WASHC5: variants seen among roughly 807,000 people sequenced by gnomAD.
WASHC5 encodes WASH complex subunit strumpellin.
WASHC5 carries 101 observed loss-of-function variants against 150.4 expected under a neutral mutation model. The ratio of observed to expected loss-of-function variants is 0.67; its 90% CI spans 0.57 to 0.79. WASHC5 has a LOEUF of 0.79. Ranked by LOEUF, WASHC5 falls within the 30% of genes least tolerant of loss-of-function variation. The pLI is 0.00. For missense variants in WASHC5, 1,195 were observed against 1,396.3 expected, an observed-to-expected ratio of 0.86 and a Z score of 2.30; for synonymous variants, 467 against 491.2, an observed-to-expected ratio of 0.95 and a Z score of 0.65.
chr8:125,076,217 G>C, intron 7 of WASHC5, 131 bp downstream of exon 7: 1 of 817,056 alleles, frequency 1.2e-6, no homozygotes, highest in Non-Finnish European at 2.1e-6. Flanking sequence ...AATACAGTTA[G>C]AGCAAGTTTA....
intron 17 of WASHC5, among the ~76,000 whole-genome samples, chr8:125,054,259 A>C (rs1204700704): frequency 6.6e-6 from 1 of 152,240 alleles, no homozygotes; most frequent in Non-Finnish European, 1.5e-5. Context: ...GACCTATAGC[A>C]ATATAAATAA....
At chr8:125,070,550 G>C (rs1051887189) in intron 9 of WASHC5, among the ~76,000 whole-genome samples, 23 of 152,330 alleles carry the variant, frequency 1.5e-4, no homozygotes, top group African/African-American at 5.5e-4. Context: ...GAAAACCCCA[G>C]TTGGTTTTAT....
intron 7 of WASHC5, 75 bp from the exon 8 acceptor site, chr8:125,075,186 G>C: frequency 1.1e-6 from 1 of 908,110 alleles, no homozygotes; most frequent in Non-Finnish European, 1.9e-6. Flanking sequence ...TAAAGTTATA[G>C]AAGGCAATAC....
rs371921983 is a variant in WASHC5 at position 125,059,635 on chromosome 8, TTC to T, written c.1522-95_1522-94del. 7.5e-4 allele frequency: 633 copies of T among 848,688 alleles called. 3 individuals carry two copies. In the African/African-American group the frequency reaches 0.01, roughly 13 times the overall value. 52.6% of individuals were successfully genotyped at this position (848,688 alleles called of 1,614,324 possible). On this transcript the variant is annotated intron_variant, in intron 12 of 28. Transcript: ENST00000318410. ...AAACACTTCAAATAAAGCACACTACTTCTGACAATTTCTTGATAAAGTTTTTA... is the reference window on the plus strand; with the variant it reads ...AAACACTTCAAATAAAGCACACTACTTGACAATTTCTTGATAAAGTTTTTA...
chr8:125,057,721 CT>C (rs1231667953), intron 14 of WASHC5, 55 bp from the exon 15 acceptor site: 4 of 1,138,790 alleles, frequency 3.5e-6, no homozygotes, highest in Non-Finnish European at 5.3e-6. Flanking sequence ...TCCTAGAAAT[CT>C]TTCTTTCCAG....
Position 125,038,865 on chromosome 8 carries a change from G to A in WASHC5, c.3049C>T (p.Leu1017=), listed in dbSNP as rs1815793570. Residue 1017 remains leucine, a synonymous_variant, in exon 25 of 29, where the codon CTG becomes TTG. Coordinates refer to ENST00000318410, the MANE Select transcript of WASHC5 (RefSeq NM_014846.4). ...GGGTTGTGAATGCCAGCTGCCTCCA[G>A]ATAGGCTGTGATTTCATATAAAAGT... ...NTLLYEITAY[L]EAAGIHNPLN... The A allele has an allele frequency of 6.2e-7, 1 of 1,613,992 alleles. No homozygotes were observed. The highest frequency in any genetic ancestry group is 1.3e-5 in the African/African-American group (1 of 74,930).
At chr8:125,030,707 GC>G (rs1815506217) in intron 27 of WASHC5, among the ~76,000 whole-genome samples, 1 of 149,634 alleles carries the variant, frequency 6.7e-6, no homozygotes, top group Non-Finnish European at 1.5e-5. Context: ...TCCACAGAGG[GC>G]CCAGAATGAA....
Position 125,083,216 on chromosome 8 carries a change from G to C in WASHC5, c.229C>G (p.Leu77Val). Residue 77 changes from leucine (L) to valine (V), a missense_variant, in exon 3 of 29, where the codon CTA becomes GTA. Transcript: ENST00000318410. ...CGAAATTCTTCATCTAAATCCTGTAGCTCTGGCTTAGCATCCAGTTTGCTT... is the reference window on the plus strand; with the variant it reads ...CGAAATTCTTCATCTAAATCCTGTACCTCTGGCTTAGCATCCAGTTTGCTT... ...WESKLDAKPE[L>V]QDLDEEFREN... The C allele has an allele frequency of 6.2e-7, 1 of 1,612,506 alleles. No homozygotes were observed. The highest frequency in any genetic ancestry group is 8.5e-7 in the Non-Finnish European group (1 of 1,178,954).
At position 125,024,659 on chromosome 8, in the gene WASHC5, A is replaced by T; in HGVS notation, c.3438T>A (p.His1146Gln). 2 of 1,610,364 alleles carry T rather than the reference A, an allele frequency of 1.2e-6. No homozygotes were observed. Among genetic ancestry groups the T allele is most frequent in the Non-Finnish European group, 1.7e-6 (2 of 1,176,674 alleles). ...ACTCATCAAAAATGAAATTAGGCACATGTGCTTCAGCAACCTGAAAAATTA... is the reference window on the plus strand; with the variant it reads ...ACTCATCAAAAATGAAATTAGGCACTTGTGCTTCAGCAACCTGAAAAATTA... ...TKLPRRVAEA[H>Q]VPNFIFDEFR... is the part of the protein sequence containing the mutation. The change falls in exon 29 of 29, where the codon CAT becomes CAA. Residue 1146 changes from histidine (H) to glutamine (Q), a missense_variant. This residue lies in a region of WASHC5 where 997 missense variants were observed against 1,168.1 expected (regional missense o/e 0.85). Transcript: ENST00000318410.
chr8:125,029,885 T>C (rs1015758410), intron 27 of WASHC5, among the ~76,000 whole-genome samples: 4 of 152,254 alleles, frequency 2.6e-5, no homozygotes, highest in African/African-American at 4.8e-5. Context: ...TAAGAATGAC[T>C]GTACCTGGAA....
intron 26 of WASHC5, among the ~76,000 whole-genome samples, chr8:125,035,868 G>T (rs982506241): frequency 2.6e-5 from 4 of 152,204 alleles, no homozygotes; most frequent in Non-Finnish European, 5.9e-5. Context: ...AAGAAACAAT[G>T]ATTACATTTG....
chr8:125,042,402 C>G (rs1815917818), intron 23 of WASHC5, among the ~76,000 whole-genome samples: 2 of 152,220 alleles, frequency 1.3e-5, no homozygotes, highest in African/African-American at 4.8e-5. Flanking sequence ...TAGCACAGAA[C>G]ATTTCCATTG....
At chr8:125,025,394 AG>A in intron 28 of WASHC5, among the ~76,000 whole-genome samples, 1 of 152,284 alleles carries the variant, frequency 6.6e-6, no homozygotes, top group East Asian at 1.9e-4. Context: ...AATACATGTG[AG>A]GCTTAAAACC....
Position 125,028,332 on chromosome 8 carries a change from C to T in WASHC5, c.3423+288G>A, listed in dbSNP as rs540469396. Among the ~76,000 whole-genome samples the T allele has an allele frequency of 1.1e-4, 16 of 152,296 alleles. 1 individual carries two copies. Among genetic ancestry groups the T allele is most frequent in the Admixed American group, 1.0e-3 (16 of 15,296 alleles). On this transcript the variant is annotated intron_variant, in intron 28 of 28. Coordinates refer to ENST00000318410, the MANE Select transcript of WASHC5 (RefSeq NM_014846.4). ...TTTCCTCTGGCCACTTAAGGAATCC[C>T]TCCTGGCTTGCCTATTTCACTTAAC...
intron 23 of WASHC5, 26 bp from the exon 24 acceptor site, chr8:125,039,924 G>C: frequency 6.7e-7 from 1 of 1,493,144 alleles, no homozygotes; most frequent in South Asian, 1.1e-5. Context: ...AGAAAGAACA[G>C]GTAGTGCATT....
In WASHC5 at chr8:125,032,853, G is replaced by T. The variant is rs147640019; in HGVS notation, c.3182-459C>A. 32 of 174,644 alleles carry T rather than the reference G, an allele frequency of 1.8e-4. No individual in the cohort carries two copies. In the East Asian group the frequency reaches 4.5e-3, roughly 25 times the overall value. 10.8% of individuals were successfully genotyped at this position (174,644 alleles called of 1,614,324 possible). A position where few individuals can be genotyped will look rare whatever the true frequency, so the allele number is the denominator to read the frequency against. On this transcript the variant is annotated intron_variant, in intron 26 of 28. Transcript: ENST00000318410. The stretch of plus-strand genomic sequence containing the variant: ...AGTAATATATATACATAAAGAATCT[G>T]CAGAAATCAAGAGAGTGGAAGAAGG...
intron 27 of WASHC5, among the ~76,000 whole-genome samples, chr8:125,029,208 T>C (rs960337643): frequency 2.0e-5 from 3 of 152,182 alleles, no homozygotes; most frequent in Admixed American, 6.5e-5. Flanking sequence ...ATTTTTTGTA[T>C]TTTTAGTAGA....
intron 26 of WASHC5, among the ~76,000 whole-genome samples, chr8:125,036,549 T>G (rs1310666759): frequency 1.4e-5 from 2 of 148,132 alleles, no homozygotes; most frequent in African/African-American, 5.3e-5. Flanking sequence ...GGTGTGCACC[T>G]ATAGTCCCAG....
Position 125,028,725 on chromosome 8 carries a change from T to G in WASHC5, c.3336-18A>C, listed in dbSNP as rs752401181. The G allele has an allele frequency of 6.4e-7, 1 of 1,556,192 alleles. No individual in the cohort carries two copies. Among genetic ancestry groups the G allele is most frequent in the East Asian group, 2.2e-5 (1 of 44,584 alleles). On this transcript the variant is annotated intron_variant, in intron 27 of 28. Transcript: ENST00000318410. ...TCTTCTGGCTGTGATAGAGAACAGT[T>G]TAGATCAATTAACTGCTTTGCACAT... is the stretch of plus-strand genomic sequence containing the variant.
Sources: gnomAD v4.1 joint callset for allele counts (sites outside exome capture counted in the v4.1 genomes callset) on GRCh38, gnomAD v4.1.1 for gene constraint, gnomAD v4.1.1 regional missense constraint, MANE v1.5 for transcripts, NCBI Gene and HGNC (gene_info 2026-07-23, HGNC 2026-07-21) for gene names.